Variants in SEL1L2 observed in about 807,000 individuals in gnomAD.
SEL1L2 encodes the protein SEL1L2 adaptor subunit of SYVN1 ubiquitin ligase.
In SEL1L2, 89 loss-of-function variants were observed where a neutral mutation model predicts 98.8. The ratio of observed to expected loss-of-function variants is 0.90; its 90% CI spans 0.76 to 1.07. The LOEUF (loss-of-function observed/expected upper bound fraction) is 1.07. Among genes scored for constraint, SEL1L2 ranks in the 50% least tolerant of loss-of-function variants. The probability of loss-of-function intolerance (pLI) is 0.00; values close to 1 mark genes in which losing one functional copy is unlikely to be tolerated. For synonymous variants in SEL1L2, 262 were observed against 278.5 expected, an observed-to-expected ratio of 0.94 and a Z score of 0.59; for missense variants, 788 against 812.0, an observed-to-expected ratio of 0.97 and a Z score of 0.36.
chr20:13,938,742 C>T (rs898792301), intron 2 of SEL1L2, among the ~76,000 whole-genome samples: 1 of 152,076 alleles, frequency 6.6e-6, no homozygotes, highest in African/African-American at 2.4e-5. Context: ...TAATAAATTG[C>T]CTATCTCATT....
At chr20:13,901,291 C>T (rs2047669654) in intron 5 of SEL1L2, among the ~76,000 whole-genome samples, 1 of 151,946 alleles carries the variant, frequency 6.6e-6, no homozygotes, top group African/African-American at 2.4e-5. Flanking sequence ...AGGATGGTCT[C>T]GATTTCCTGA....
intron 4 of SEL1L2, 102 bp from the exon 5 acceptor site, chr20:13,914,046 G>T (rs1319437098): frequency 4.8e-6 from 5 of 1,035,280 alleles, no homozygotes; most frequent in Non-Finnish European, 5.5e-6. Flanking sequence ...GCAGGAACCA[G>T]TTGTCATACA....
At chr20:13,902,072 G>GT (rs1401158113) in intron 5 of SEL1L2, among the ~76,000 whole-genome samples, 1 of 152,148 alleles carries the variant, frequency 6.6e-6, no homozygotes, top group African/African-American at 2.4e-5. Flanking sequence ...GAAAAGGGCA[G>GT]TAACTCCAGG....
chr20:13,869,552 C>T lies in SEL1L2; in HGVS notation c.1206G>A (p.Ala402=), dbSNP rs772059777. ...AEALKYFQKA[A]EKGWPDAQFQ... Reference sequence around the variant, plus strand: ...ACTGTGCGTCGGGCCACCCTTTTTCCGCAGCTTTCTGAAAGTATTTAAGTG... The same window carrying T: ...ACTGTGCGTCGGGCCACCCTTTTTCTGCAGCTTTCTGAAAGTATTTAAGTG... The change falls in exon 14 of 20, where the codon GCG becomes GCA. Residue 402 remains alanine (A), a synonymous_variant. Coordinates refer to ENST00000284951, the MANE Select transcript of SEL1L2 (RefSeq NM_025229.2). The T allele has an allele frequency of 1.3e-5, 21 of 1,613,968 alleles. No individual in the cohort carries two copies. Among genetic ancestry groups the T allele is most frequent in the Admixed American group, 1.0e-4 (6 of 60,002 alleles).
intron 1 of SEL1L2, among the ~76,000 whole-genome samples, chr20:13,987,378 T>C (rs2052271775): frequency 6.7e-6 from 1 of 149,844 alleles, no homozygotes; most frequent in Non-Finnish European, 1.5e-5. Flanking sequence ...CAGAGTCTTG[T>C]TCTGTTGCCC....
chr20:13,877,771 A>G (rs2046503363), intron 10 of SEL1L2, among the ~76,000 whole-genome samples, 183 bp from the exon 11 acceptor site: 1 of 152,236 alleles, frequency 6.6e-6, no homozygotes, highest in Non-Finnish European at 1.5e-5. Context: ...TGCATTTTCA[A>G]CCATAACCTG....
At chr20:13,945,886 T>C (rs1473801647) in intron 2 of SEL1L2, among the ~76,000 whole-genome samples, 3 of 152,256 alleles carry the variant, frequency 2.0e-5, no homozygotes, top group Middle Eastern at 3.4e-3. Flanking sequence ...AAATTTGACA[T>C]GCTTTTGTGA....
chr20:13,954,091 T>C (rs563256363), intron 2 of SEL1L2, among the ~76,000 whole-genome samples: 2 of 151,896 alleles, frequency 1.3e-5, no homozygotes, highest in East Asian at 3.9e-4. Flanking sequence ...TGTCGGGGAA[T>C]GGAGGAGTAG....
chr20:13,988,372 A>C (rs1025035322), intron 1 of SEL1L2, among the ~76,000 whole-genome samples: 3 of 151,684 alleles, frequency 2.0e-5, no homozygotes, highest in Non-Finnish European at 4.4e-5. Flanking sequence ...TTTCAAATTC[A>C]TTTTTTTCAT....
At chr20:13,942,789 A>C in intron 2 of SEL1L2, among the ~76,000 whole-genome samples, 1 of 152,120 alleles carries the variant, frequency 6.6e-6, no homozygotes, top group East Asian at 1.9e-4. Flanking sequence ...TGTATGTTTG[A>C]AAAAAATGGG....
At chr20:13,862,159 A>C (rs759441359) in intron 17 of SEL1L2, among the ~76,000 whole-genome samples, 1 of 152,242 alleles carries the variant, frequency 6.6e-6, no homozygotes, top group South Asian at 2.1e-4. Context: ...ATGGACATGC[A>C]AGGAAACTTT....
intron 12 of SEL1L2, among the ~76,000 whole-genome samples, chr20:13,874,610 C>G (rs2046353581): frequency 6.6e-6 from 1 of 152,188 alleles, no homozygotes; most frequent in South Asian, 2.1e-4. Context: ...TTTCAGTCTG[C>G]TCTTCCTTGT....
At chr20:13,878,151 T>C (rs901705055) in intron 10 of SEL1L2, among the ~76,000 whole-genome samples, 1 of 152,166 alleles carries the variant, frequency 6.6e-6, no homozygotes, top group Non-Finnish European at 1.5e-5. Context: ...GGTCGTTACA[T>C]TAAATGAAGC....
rs2047032326 is a variant in SEL1L2, at chr20:13,887,932, G to A, written c.663+10C>T. 2 of 1,613,118 alleles carry A rather than the reference G, an allele frequency of 1.2e-6. No homozygotes were observed. Among genetic ancestry groups the A allele is most frequent in the Admixed American group, 1.7e-5 (1 of 59,926 alleles). On this transcript the variant is annotated intron_variant, in intron 7 of 19. Transcript: ENST00000284951. ...ACAAATTTGGTTCCAAGAATATTTT[G>A]TTTACAAACCAAAATCATCTGGGAC...
intron 12 of SEL1L2, among the ~76,000 whole-genome samples, chr20:13,870,615 T>C (rs1308628702): frequency 6.6e-6 from 1 of 152,062 alleles, no homozygotes; most frequent in African/African-American, 2.4e-5. Context: ...TCAAATGTGG[T>C]AAGTCCTAAA....
At chr20:13,913,607 G>A (rs1390191477) in intron 5 of SEL1L2, 175 bp downstream of exon 5, 12 of 447,006 alleles carry the variant, frequency 2.7e-5, no homozygotes, top group Non-Finnish European at 4.2e-5. Context: ...TTGGGGGTTC[G>A]GAGGCTTCTG....
intron 11 of SEL1L2, 23 bp downstream of exon 11, chr20:13,877,497 A>G (rs777648539): frequency 6.4e-7 from 1 of 1,574,486 alleles, no homozygotes; most frequent in Admixed American, 1.7e-5. Flanking sequence ...AATGAAAACA[A>G]TGAATCAAGA....
chr20:13,859,211 C>G (rs773304223), intron 18 of SEL1L2, 51 bp downstream of exon 18: 6 of 1,512,934 alleles, frequency 4.0e-6, no homozygotes, highest in African/African-American at 1.4e-5. Flanking sequence ...CACATTCTGT[C>G]TTCTCACACA....
chr20:13,965,608 G>A (rs891931165), intron 1 of SEL1L2, among the ~76,000 whole-genome samples: 1 of 152,096 alleles, frequency 6.6e-6, no homozygotes, highest in Non-Finnish European at 1.5e-5. Context: ...TCTACCCTTA[G>A]AATAATTTTC....
Sources: gnomAD v4.1 joint callset for allele counts (sites outside exome capture counted in the v4.1 genomes callset) on GRCh38, gnomAD v4.1.1 for gene constraint, MANE v1.5 for transcripts, NCBI Gene and HGNC (gene_info 2026-07-23, HGNC 2026-07-21) for gene names.